The following DLG2 variants were observed in gnomAD, a reference collection of about 807,000 sequenced individuals.
The protein encoded by DLG2 is disks large homolog 2.
In DLG2, 45 loss-of-function variants were observed where a neutral mutation model predicts 132.5. That is an observed-to-expected ratio of 0.34 (90% CI 0.27 to 0.44). DLG2 has a LOEUF of 0.44. DLG2 is among the 20% of genes least tolerant of loss of function. The pLI is 1.00. For missense variants in DLG2, 1,045 were observed against 1,196.9 expected, an observed-to-expected ratio of 0.87 and a Z score of 1.87; for synonymous variants, 424 against 419.6, an observed-to-expected ratio of 1.01 and a Z score of -0.13.
intron 18 of DLG2, among the ~76,000 whole-genome samples, chr11:83,723,271 T>C (rs939453208): frequency 6.6e-6 from 1 of 152,064 alleles, no homozygotes. Context: ...TCCCAGCTAC[T>C]TGGGAGGCTG....
intron 3 of DLG2, among the ~76,000 whole-genome samples, chr11:85,324,617 C>T (rs558496662): frequency 9.9e-5 from 15 of 152,246 alleles, no homozygotes; most frequent in African/African-American, 2.9e-4. Flanking sequence ...TAGTTTCTAA[C>T]ATACCTGAAA....
In DLG2 at chr11:83,740,197, T is replaced by C. The variant is rs2092391917; in HGVS notation, c.1825+46493A>G. Among the ~76,000 whole-genome samples the C allele has an allele frequency of 3.9e-5, 6 of 152,188 alleles. No individual in the cohort carries two copies. The South Asian group carries it at 1.2e-3, about 32-fold the overall frequency. ...ATATACACCTTTGTTCCAAAGGACA[T>C]GCACAAAAATACTCAGTGCAGCATT... On this transcript the variant is annotated intron_variant, in intron 18 of 27. Coordinates refer to ENST00000376104, the MANE Select transcript of DLG2 (RefSeq NM_001142699.3).
At chr11:84,962,831 C>T (rs945879185) in intron 6 of DLG2, among the ~76,000 whole-genome samples, 1 of 152,164 alleles carries the variant, frequency 6.6e-6, no homozygotes, top group Admixed American at 6.5e-5. Context: ...TTTAATGCTG[C>T]GTATTCAAAG....
chr11:84,345,789 T>A (rs1390771017), intron 7 of DLG2, among the ~76,000 whole-genome samples: 2 of 152,182 alleles, frequency 1.3e-5, no homozygotes, highest in African/African-American at 4.8e-5. Flanking sequence ...TTTTTGCAAA[T>A]AAAGATTTAT....
chr11:83,640,080 A>G (rs1047020665), intron 18 of DLG2, among the ~76,000 whole-genome samples: 1 of 152,160 alleles, frequency 6.6e-6, no homozygotes, highest in African/African-American at 2.4e-5. Flanking sequence ...TTTGTTCATT[A>G]TAAACGTGTG....
chr11:83,875,460 T>C (rs1037388223), intron 15 of DLG2, among the ~76,000 whole-genome samples: 2 of 152,262 alleles, frequency 1.3e-5, no homozygotes, highest in East Asian at 1.9e-4. Context: ...TGAAATGGCA[T>C]TGAGACTGTT....
intron 7 of DLG2, among the ~76,000 whole-genome samples, chr11:84,401,067 G>A (rs2098827734): frequency 3.3e-5 from 5 of 151,930 alleles, no homozygotes; most frequent in Admixed American, 1.3e-4. Flanking sequence ...TAGCCCTATC[G>A]GGTTAGTATT....
intron 15 of DLG2, among the ~76,000 whole-genome samples, chr11:83,916,734 T>C (rs1431534085): frequency 6.6e-6 from 1 of 152,164 alleles, no homozygotes; most frequent in African/African-American, 2.4e-5. Flanking sequence ...AGGTAAACAC[T>C]GTTAACCTGA....
intron 15 of DLG2, among the ~76,000 whole-genome samples, chr11:83,898,645 A>G (rs72943821): frequency 0.016 from 2,425 of 152,162 alleles, 21 homozygotes; most frequent in Non-Finnish European, 0.026. Flanking sequence ...ATTTTTTCCA[A>G]TAATCAACTT....
At chr11:85,563,114 C>T (rs1230709486) in intron 3 of DLG2, among the ~76,000 whole-genome samples, 1 of 151,688 alleles carries the variant, frequency 6.6e-6, no homozygotes, top group East Asian at 1.9e-4. Context: ...GTCAGATAGG[C>T]ATGAGTTTAT....
intron 6 of DLG2, among the ~76,000 whole-genome samples, chr11:84,938,286 T>C (rs1342040625): frequency 6.6e-6 from 1 of 152,166 alleles, no homozygotes; most frequent in East Asian, 1.9e-4. Flanking sequence ...ATCAATAAAA[T>C]ATCAGCCATT....
intron 6 of DLG2, among the ~76,000 whole-genome samples, chr11:84,766,021 C>T (rs1183904101): frequency 6.6e-6 from 1 of 152,008 alleles, no homozygotes; most frequent in Non-Finnish European, 1.5e-5. Flanking sequence ...ACTTACATTC[C>T]CATAATACCT....
At chr11:84,314,574 G>GTAAA (rs1240836317) in intron 7 of DLG2, among the ~76,000 whole-genome samples, 2 of 151,906 alleles carry the variant, frequency 1.3e-5, no homozygotes, top group Non-Finnish European at 1.5e-5. Context: ...CCTACTAGAA[G>GTAAA]TAAAGGAAAT....
chr11:84,306,797 G>A (rs990474999), intron 7 of DLG2, among the ~76,000 whole-genome samples: 1 of 152,154 alleles, frequency 6.6e-6, no homozygotes, highest in Admixed American at 6.5e-5. Flanking sequence ...CTCTTCTGAA[G>A]TGCTTTCTCA....
At position 83,806,917 on chromosome 11, in the gene DLG2, G is replaced by A. The variant is rs570057296; in HGVS notation, c.1723-20125C>T. 7.2e-5 allele frequency among the ~76,000 whole-genome samples: 11 copies of A among 152,264 alleles called. No homozygotes were observed. The East Asian group carries it at 1.9e-3, about 27-fold the overall frequency. Reference sequence around the variant, plus strand: ...ATAGCAGACAAGCAGGACCCTAGAAGGTGGCAACCAACTTTGCCACCTTGA... The same window carrying A: ...ATAGCAGACAAGCAGGACCCTAGAAAGTGGCAACCAACTTTGCCACCTTGA... On this transcript the variant is annotated intron_variant, in intron 17 of 27. Transcript: ENST00000376104.
At chr11:84,150,593 G>C (rs560182514) in intron 9 of DLG2, among the ~76,000 whole-genome samples, 1 of 152,152 alleles carries the variant, frequency 6.6e-6, no homozygotes, top group Non-Finnish European at 1.5e-5. Flanking sequence ...GTCCTATTTG[G>C]ATGCCTTTTA....
At chr11:83,960,288 T>C (rs12295784) in intron 14 of DLG2, among the ~76,000 whole-genome samples, 20,479 of 152,012 alleles carry the variant, frequency 0.13, 1,725 homozygotes, top group African/African-American at 0.22. Context: ...TTCCTAAGTG[T>C]CTCTTGTGGT....
intron 7 of DLG2, chr11:84,317,067 G>T (rs1567272669): frequency 1.9e-6 from 3 of 1,612,854 alleles, no homozygotes; most frequent in Non-Finnish European, 2.5e-6. Flanking sequence ...TCCCTGATCA[G>T]GGTGGGCGCA....
chr11:83,569,079 A>C (rs2096756062), intron 19 of DLG2, among the ~76,000 whole-genome samples: 1 of 152,194 alleles, frequency 6.6e-6, no homozygotes, highest in Non-Finnish European at 1.5e-5. Context: ...AGTCATTCAG[A>C]GATCTGAAGT....
Sources: gnomAD v4.1 joint callset for allele counts (sites outside exome capture counted in the v4.1 genomes callset) on GRCh38, gnomAD v4.1.1 for gene constraint, MANE v1.5 for transcripts, NCBI Gene and HGNC (gene_info 2026-07-23, HGNC 2026-07-21) for gene names.